The following TNR variants were observed in gnomAD, a reference collection of about 807,000 sequenced individuals.
The protein encoded by TNR is tenascin-R.
TNR carries 45 observed loss-of-function variants against 150.4 expected under a neutral mutation model. That is an observed-to-expected ratio of 0.30 (90% CI 0.24 to 0.38). The LOEUF is 0.38. Among genes scored for constraint, TNR ranks in the 10% least tolerant of loss-of-function variants. The pLI, the probability that TNR is intolerant of heterozygous loss-of-function variation, is 1.00. For missense variants in TNR, 1,544 were observed against 1,759.1 expected (o/e 0.88, Z 2.19); for synonymous variants, 687 against 678.4 (o/e 1.01, Z -0.20).
intron 7 of TNR, among the ~76,000 whole-genome samples, chr1:175,387,854 C>T (rs568011895): frequency 2.6e-4 from 39 of 152,286 alleles, no homozygotes; most frequent in African/African-American, 9.1e-4. Context: ...CCTGGGTACC[C>T]CTCCCTCTTT....
chr1:175,546,982 C>G (rs1206347773), intron 1 of TNR, among the ~76,000 whole-genome samples: 1 of 152,062 alleles, frequency 6.6e-6, no homozygotes, highest in Non-Finnish European at 1.5e-5. Context: ...TCACTTTCCC[C>G]CTTCCTTCTT....
At chr1:175,654,749 C>T (rs1388770009) in intron 1 of TNR, among the ~76,000 whole-genome samples, 7 of 110,300 alleles carry the variant, frequency 6.3e-5, no homozygotes, top group African/African-American at 1.4e-4. Flanking sequence ...TTTTTGGAGA[C>T]GGAGTCTCGC....
At position 175,323,548 on chromosome 1, in the gene TNR, T is replaced by C. The variant is rs552073120; in HGVS notation, c.3958-72A>G. 1,380 of 1,581,694 alleles carry C rather than the reference T, an allele frequency of 8.7e-4. 1 individual carries two copies. The highest frequency in any genetic ancestry group is 1.1e-3 in the Non-Finnish European group (1,289 of 1,161,366). On this transcript the variant is annotated intron_variant, in intron 22 of 22. Coordinates refer to ENST00000367674, the MANE Select transcript of TNR (RefSeq NM_003285.3). Reference sequence around the variant, plus strand: ...ACGCCCCACTTCAAAAAAGGGGTAATTATGGGAACAGGGAATCCACAATGT... The same window carrying C: ...ACGCCCCACTTCAAAAAAGGGGTAACTATGGGAACAGGGAATCCACAATGT...
At chr1:175,331,047 T>TTCTTTCTTTCTTTCCTTCCTTC (rs1182726607) in intron 20 of TNR, among the ~76,000 whole-genome samples, 1 of 91,006 alleles carries the variant, frequency 1.1e-5, no homozygotes, top group Non-Finnish European at 2.3e-5. Context: ...CTTTCTTTCT[T>TTCTTTCTTTCTTTCCTTCCTTC]TCTTTCTTTC....
At chr1:175,624,601 G>A (rs12031159) in intron 1 of TNR, among the ~76,000 whole-genome samples, 72,214 of 151,974 alleles carry the variant, frequency 0.48, 18,351 homozygotes, top group African/African-American at 0.68. Flanking sequence ...AGGTGAAGAG[G>A]TAGTCCCACT....
chr1:175,555,515 G>GGAAAAAAA (rs771916145), intron 1 of TNR, among the ~76,000 whole-genome samples: 18 of 127,898 alleles, frequency 1.4e-4, no homozygotes, highest in African/African-American at 4.1e-4. Flanking sequence ...ACAACTGAGA[G>GGAAAAAAA]AAAAAAAAAA....
intron 10 of TNR, among the ~76,000 whole-genome samples, chr1:175,366,983 G>T (rs889225972): frequency 6.6e-6 from 1 of 152,174 alleles, no homozygotes; most frequent in Non-Finnish European, 1.5e-5. Flanking sequence ...TCAGACCACG[G>T]GGGACCGAGC....
chr1:175,644,242 C>T (rs1449194837), intron 1 of TNR, among the ~76,000 whole-genome samples: 2 of 152,216 alleles, frequency 1.3e-5, no homozygotes, highest in East Asian at 3.8e-4. Context: ...CGCCATTCCT[C>T]CCTTGGCAAT....
intron 2 of TNR, among the ~76,000 whole-genome samples, chr1:175,509,812 C>G (rs1659096974): frequency 6.6e-6 from 1 of 152,198 alleles, no homozygotes; most frequent in South Asian, 2.1e-4. Flanking sequence ...CAGGGACCAT[C>G]TTGTACTGTA....
intron 1 of TNR, among the ~76,000 whole-genome samples, chr1:175,634,081 C>T (rs903667165): frequency 3.3e-5 from 5 of 152,112 alleles, no homozygotes; most frequent in African/African-American, 1.2e-4. Context: ...ATCTATGTAA[C>T]CACTTGACAC....
intron 4 of TNR, among the ~76,000 whole-genome samples, chr1:175,398,301 C>T (rs1653531253): frequency 6.6e-6 from 1 of 152,132 alleles, no homozygotes; most frequent in Admixed American, 6.5e-5. Context: ...GTCTAGAAAG[C>T]AGAGCTTCTT....
intron 18 of TNR, among the ~76,000 whole-genome samples, chr1:175,346,439 C>T (rs1650787157): frequency 6.6e-6 from 1 of 151,854 alleles, no homozygotes; most frequent in Non-Finnish European, 1.5e-5. Flanking sequence ...CATATTGACA[C>T]ATTTAAGAAA....
intron 2 of TNR, among the ~76,000 whole-genome samples, chr1:175,445,928 C>T (rs1269327329): frequency 2.6e-5 from 4 of 152,098 alleles, no homozygotes; most frequent in Admixed American, 6.6e-5. Flanking sequence ...ATGTTCTGGA[C>T]GATATAATTT....
At chr1:175,379,094 G>A (rs894764579) in intron 9 of TNR, among the ~76,000 whole-genome samples, 3 of 150,974 alleles carry the variant, frequency 2.0e-5, no homozygotes, top group East Asian at 1.9e-4. Flanking sequence ...CAGGAGAATC[G>A]CTTGAACCCG....
At chr1:175,505,909 A>T (rs1658941005) in intron 2 of TNR, among the ~76,000 whole-genome samples, 1 of 148,804 alleles carries the variant, frequency 6.7e-6, no homozygotes, top group Admixed American at 6.7e-5. Flanking sequence ...GGCCTGGTGC[A>T]CATGCCTATA....
chr1:175,450,283 T>A (rs1010886440), intron 2 of TNR, among the ~76,000 whole-genome samples: 1 of 152,206 alleles, frequency 6.6e-6, no homozygotes, highest in African/African-American at 2.4e-5. Context: ...GGCTTCACAG[T>A]CACTCTCTCT....
In TNR at chr1:175,506,871, G is replaced by A. The variant is rs140650587; in HGVS notation, c.-64+21398C>T. Among the ~76,000 whole-genome samples, 134 of 152,346 alleles carry A rather than the reference G, an allele frequency of 8.8e-4. 1 individual carries two copies. The East Asian group carries it at 0.02, about 23-fold the overall frequency. On this transcript the variant is annotated intron_variant, in intron 2 of 22. Transcript: ENST00000367674. ...CCACTCTGGGCCAGGCCTCAGTTAG[G>A]TGCCAAGGATGGACTGGACACAGGC...
At chr1:175,737,308 T>C (rs1381954107) in intron 1 of TNR, among the ~76,000 whole-genome samples, 1 of 152,236 alleles carries the variant, frequency 6.6e-6, no homozygotes, top group Non-Finnish European at 1.5e-5. Context: ...CAATAGTATA[T>C]ATCAAAATGT....
At chr1:175,618,475 C>T (rs1663851687) in intron 1 of TNR, among the ~76,000 whole-genome samples, 1 of 152,178 alleles carries the variant, frequency 6.6e-6, no homozygotes, top group East Asian at 1.9e-4. Context: ...CAACTGAATG[C>T]ATATTGGCAG....
Sources: allele counts gnomAD v4.1 joint callset (sites outside exome capture counted in the v4.1 genomes callset), GRCh38; gene constraint gnomAD v4.1.1; transcripts MANE v1.5; gene names NCBI Gene and HGNC (gene_info 2026-07-23, HGNC 2026-07-21).